Variants in SPTSSA observed in about 807,000 individuals in gnomAD.
SPTSSA encodes the protein serine palmitoyltransferase small subunit A.
A neutral mutation model predicts 9.1 loss-of-function variants in SPTSSA; 8 were observed. That is an observed-to-expected ratio of 0.88 (90% CI 0.51 to 1.58). The LOEUF (loss-of-function observed/expected upper bound fraction) is 1.58, where lower values mean the gene tolerates loss of function less well. Among genes scored for constraint, SPTSSA ranks in the 40% most tolerant of loss-of-function variants. The probability of loss-of-function intolerance (pLI) is 0.00; values close to 1 mark genes in which losing one functional copy is unlikely to be tolerated. For missense variants in SPTSSA, 100 were observed against 93.8 expected (o/e 1.07, Z -0.27); for synonymous variants, 42 against 37.7 (o/e 1.11, Z -0.41).
intron 1 of SPTSSA, among the ~76,000 whole-genome samples, chr14:34,445,756 A>C (rs1218191245): frequency 6.6e-6 from 1 of 152,218 alleles, no homozygotes; most frequent in Non-Finnish European, 1.5e-5. Flanking sequence ...TTTGTGAATA[A>C]TACTAATGTA....
chr14:34,442,116 T>A (rs970599134), intron 1 of SPTSSA, among the ~76,000 whole-genome samples: 23 of 152,038 alleles, frequency 1.5e-4, no homozygotes, highest in Non-Finnish European at 2.9e-5. Flanking sequence ...CCTCAGGCAA[T>A]CCCCCCGCCT....
intron 1 of SPTSSA, among the ~76,000 whole-genome samples, chr14:34,438,173 T>C (rs1026205873): frequency 1.3e-5 from 2 of 152,172 alleles, no homozygotes; most frequent in African/African-American, 4.8e-5. Flanking sequence ...TTCCAGATGA[T>C]AAAATGGAAT....
intron 1 of SPTSSA, among the ~76,000 whole-genome samples, chr14:34,459,730 A>G (rs1878580254): frequency 6.6e-6 from 1 of 152,118 alleles, no homozygotes; most frequent in African/African-American, 2.4e-5. Context: ...GCAGTGAGCC[A>G]AGATGGCGAC....
At chr14:34,441,714 G>A (rs1024077111) in intron 1 of SPTSSA, among the ~76,000 whole-genome samples, 2 of 151,876 alleles carry the variant, frequency 1.3e-5, no homozygotes, top group Non-Finnish European at 2.9e-5. Flanking sequence ...CATGTGGGTA[G>A]CACCTAAACA....
intron 1 of SPTSSA, among the ~76,000 whole-genome samples, chr14:34,450,784 C>T (rs4981241): frequency 0.12 from 18,667 of 152,078 alleles, 1,327 homozygotes; most frequent in East Asian, 0.28. Context: ...CAGAATTGAG[C>T]AAATAATGTG....
chr14:34,445,110 C>G (rs1002940753), intron 1 of SPTSSA, among the ~76,000 whole-genome samples: 1 of 151,846 alleles, frequency 6.6e-6, no homozygotes, highest in Admixed American at 6.6e-5. Context: ...TTTAAAAAGA[C>G]TACTAAAAAC....
chr14:34,458,414 A>G (rs1334383789), intron 1 of SPTSSA, among the ~76,000 whole-genome samples: 1 of 151,510 alleles, frequency 6.6e-6, no homozygotes, highest in South Asian at 2.1e-4. Context: ...ACATTCCTGG[A>G]CTCCAGCTAT....
In SPTSSA at chr14:34,434,501, A is replaced by G. The variant is rs934600388; in HGVS notation, c.*700T>C. ...TTAACCACCTTTTGTCTCAAGAATTATCACCAAAGTTTTCTGGAAATAAGT... is the reference window on the plus strand; with the variant it reads ...TTAACCACCTTTTGTCTCAAGAATTGTCACCAAAGTTTTCTGGAAATAAGT... On this transcript the variant is annotated 3_prime_UTR_variant, in exon 2 of 2. Transcript: ENST00000298130. The G allele has an allele frequency of 2.0e-5, 3 of 152,660 alleles. No homozygotes were observed. Among genetic ancestry groups the G allele is most frequent in the Non-Finnish European group, 2.9e-5 (2 of 68,034 alleles). 9.5% of individuals were successfully genotyped at this position (152,660 alleles called of 1,614,324 possible).
At chr14:34,444,327 A>G (rs539568304) in intron 1 of SPTSSA, among the ~76,000 whole-genome samples, 1 of 152,314 alleles carries the variant, frequency 6.6e-6, no homozygotes, top group East Asian at 1.9e-4. Flanking sequence ...GCTTTTGAAA[A>G]TTGTTTAACT....
chr14:34,454,314 A>G (rs887038053), intron 1 of SPTSSA, among the ~76,000 whole-genome samples: 1 of 152,228 alleles, frequency 6.6e-6, no homozygotes, highest in African/African-American at 2.4e-5. Flanking sequence ...ACAAATCACT[A>G]GAATCACATG....
rs182207017 is a variant in SPTSSA, at chr14:34,433,834, G to A, written c.*1367C>T. The A allele has an allele frequency of 6.6e-6, 1 of 151,828 alleles. No individual in the cohort carries two copies. The highest frequency in any genetic ancestry group is 1.9e-4 in the East Asian group (1 of 5,172). 9.4% of individuals were successfully genotyped at this position (151,828 alleles called of 1,614,324 possible). A position where few individuals can be genotyped will look rare whatever the true frequency, so the allele number is the denominator to read the frequency against. ...AAAAATTAGCCAGGCATGGTGGCAG[G>A]TGCCTGTAATCCCAGCTATTCAGGA... is the stretch of plus-strand genomic sequence containing the variant. On this transcript the variant is annotated 3_prime_UTR_variant, in exon 2 of 2. Transcript: ENST00000298130.
chr14:34,442,974 G>T (rs1236562050), intron 1 of SPTSSA, among the ~76,000 whole-genome samples: 1 of 150,382 alleles, frequency 6.6e-6, no homozygotes. Context: ...GTGTGTGTGT[G>T]TGTGTGTGTG....
intron 1 of SPTSSA, among the ~76,000 whole-genome samples, chr14:34,438,658 G>A (rs1479387059): frequency 6.6e-6 from 1 of 152,114 alleles, no homozygotes; most frequent in African/African-American, 2.4e-5. Flanking sequence ...AAGTCATCCA[G>A]TCTAGAAGGT....
chr14:34,442,066 C>T (rs912407110), intron 1 of SPTSSA, among the ~76,000 whole-genome samples: 1 of 151,926 alleles, frequency 6.6e-6, no homozygotes, highest in Non-Finnish European at 1.5e-5. Context: ...AGTAGAGATG[C>T]GGCTTCACCA....
rs756196020 is a variant in SPTSSA, at chr14:34,433,621, G to A, written c.*1580C>T. 5 of 152,096 alleles carry A rather than the reference G, an allele frequency of 3.3e-5. No homozygotes were observed. In the East Asian group the frequency reaches 7.7e-4, roughly 24 times the overall value. 9.4% of individuals were successfully genotyped at this position (152,096 alleles called of 1,614,324 possible). A position where few individuals can be genotyped will look rare whatever the true frequency, so the allele number is the denominator to read the frequency against. On this transcript the variant is annotated 3_prime_UTR_variant, in exon 2 of 2. Transcript: ENST00000298130. ...ACATATATATTACTTGAGACCTCTA[G>A]ACTATAAAATACTTCAAAAGTCTAG...
At position 34,462,233 on chromosome 14, in the gene SPTSSA, G is replaced by T; in HGVS notation, c.-26C>A. On this transcript the variant is annotated 5_prime_UTR_variant, in exon 1 of 2. Coordinates refer to ENST00000298130, the MANE Select transcript of SPTSSA (RefSeq NM_138288.4). ...GCGCCTCCCGCGATGCAGCTCACAC[G>T]TCAGTCTGTCCGGCCGGCCGCCCGC... 2 of 1,473,066 alleles carry T rather than the reference G, an allele frequency of 1.4e-6. No homozygotes were observed. The highest frequency in any genetic ancestry group is 1.8e-6 in the Non-Finnish European group (2 of 1,094,302). 91.2% of individuals were successfully genotyped at this position (1,473,066 alleles called of 1,614,324 possible). A position where few individuals can be genotyped will look rare whatever the true frequency, so the allele number is the denominator to read the frequency against.
chr14:34,448,954 C>T (rs1883471427), intron 1 of SPTSSA, among the ~76,000 whole-genome samples: 1 of 148,946 alleles, frequency 6.7e-6, no homozygotes, highest in Non-Finnish European at 1.5e-5. Context: ...GAGCTGAGAT[C>T]ACACGGCTGT....
In SPTSSA at chr14:34,462,134, G is replaced by C; in HGVS notation, c.74C>G (p.Ala25Gly). ...WFYYQYLLVT[A>G]LYMLEPWERT... ...CTCCCAGGGCTCCAGCATGTAGAGC[G>C]CCGTGACCAGCAGGTACTGGTAGTA... The change falls in exon 1 of 2, where the codon GCG (alanine) becomes GGG (glycine). Residue 25 changes from alanine to glycine, a missense_variant. Transcript: ENST00000298130. 6.5e-7 allele frequency: 1 copy of C among 1,530,452 alleles called. No homozygotes were observed. The highest frequency in any genetic ancestry group is 8.8e-7 in the Non-Finnish European group (1 of 1,134,496). 94.8% of individuals were successfully genotyped at this position (1,530,452 alleles called of 1,614,324 possible). A position where few individuals can be genotyped will look rare whatever the true frequency, so the allele number is the denominator to read the frequency against.
At chr14:34,449,939 T>C (rs1458418999) in intron 1 of SPTSSA, among the ~76,000 whole-genome samples, 1 of 152,168 alleles carries the variant, frequency 6.6e-6, no homozygotes, top group African/African-American at 2.4e-5. Context: ...CCTCTCAAAA[T>C]TTAAAGTACC....
Sources: gnomAD v4.1 joint callset for allele counts (sites outside exome capture counted in the v4.1 genomes callset) on GRCh38, gnomAD v4.1.1 for gene constraint, MANE v1.5 for transcripts, NCBI Gene and HGNC (gene_info 2026-07-23, HGNC 2026-07-21) for gene names.